The following FLNC variants were observed in gnomAD, a reference collection of about 807,000 sequenced individuals.
FLNC encodes the protein filamin C, also known as filamin-C.
Under a neutral mutation model 254.3 loss-of-function variants are expected in FLNC, and 91 were observed. The ratio of observed to expected loss-of-function variants is 0.36; its 90% CI spans 0.30 to 0.43. The LOEUF is 0.43. FLNC is among the 20% of genes least tolerant of loss of function. The probability of loss-of-function intolerance (pLI) is 1.00; values close to 1 mark genes in which losing one functional copy is unlikely to be tolerated. For synonymous variants in FLNC, 1,430 were observed against 1,577.2 expected, an observed-to-expected ratio of 0.91 and a Z score of 2.21; for missense variants, 2,853 against 3,802.6, an observed-to-expected ratio of 0.75 and a Z score of 6.57.
chr7:128,856,969 C>T lies in FLNC; in HGVS notation c.7561+48C>T. Reference sequence around the variant, plus strand: ...CAGGGTGACTTCTGGGGGTGCTTGGCCACTAGTCTGGTGCTGCTTTGCTCC... The same window carrying T: ...CAGGGTGACTTCTGGGGGTGCTTGGTCACTAGTCTGGTGCTGCTTTGCTCC... On this transcript the variant is annotated intron_variant, in intron 45 of 47. Coordinates refer to ENST00000325888, the MANE Select transcript of FLNC (RefSeq NM_001458.5). The surrounding 1 kb of genome is among the most constrained non-coding windows in gnomAD (Gnocchi z 5.9). The T allele has an allele frequency of 1.9e-6, 3 of 1,600,782 alleles. No individual in the cohort carries two copies. Among genetic ancestry groups the T allele is most frequent in the Non-Finnish European group, 2.6e-6 (3 of 1,169,396 alleles).
Position 128,856,747 on chromosome 7 carries a change from A to G in FLNC, c.7387A>G (p.Lys2463Glu), listed in dbSNP as rs1809078965. The change falls in exon 45 of 48, where the codon AAG becomes GAG. Residue 2463 changes from lysine (K) to glutamate (E), a missense_variant and splice_region_variant. Physicochemically the swap from Lys to Glu is moderately conservative, Grantham distance 56 (BLOSUM62 1). Around this residue, in one of 10 missense-constraint regions of FLNC, gnomAD observed 47 missense variants for 40.3 expected, o/e 1.17. Coordinates refer to ENST00000325888, the MANE Select transcript of FLNC (RefSeq NM_001458.5). This position sits in a 1 kb window ranked among gnomAD's most constrained non-coding sequence, Gnocchi z 5.9. ...AGCCACCAACCCTTTATCCACAGAC[A>G]AGCACACCATCCGCTTCATCCCCCA... ...ECYVSELDSD[K>E]HTIRFIPHEN... 4 of 1,614,112 alleles carry G rather than the reference A, an allele frequency of 2.5e-6. No homozygotes were observed. The highest frequency in any genetic ancestry group is 2.7e-5 in the African/African-American group (2 of 75,020).
intron 42 of FLNC, 95 bp from the exon 43 acceptor site, chr7:128,855,104 C>A (rs1808999886): frequency 1.8e-6 from 2 of 1,093,686 alleles, no homozygotes; most frequent in African/African-American, 1.5e-5. Flanking sequence ...TGAGCGCTGA[C>A]CACAGAGCCT....
At chr7:128,837,881 A>G (rs1808162798) in intron 5 of FLNC, 106 bp from the exon 6 acceptor site, 1 of 1,338,714 alleles carries the variant, frequency 7.5e-7, no homozygotes, top group South Asian at 1.2e-5. Flanking sequence ...AGTCTGGGGA[A>G]GGTGTCACCA....
At position 128,857,306 on chromosome 7, in the gene FLNC, G is replaced by A. The variant is rs1210457827; in HGVS notation, c.7750G>A (p.Val2584Met). The change falls in exon 46 of 48, where the codon GTG (valine) becomes ATG (methionine). Residue 2584 changes from valine to methionine, a missense_variant. Val to Met is a conservative substitution (Grantham distance 21). Coordinates refer to ENST00000325888, the MANE Select transcript of FLNC (RefSeq NM_001458.5). The surrounding 1 kb of genome is among the most constrained non-coding windows in gnomAD (Gnocchi z 4.5). ...CAAGTACGGTGGCCCCCAGCACATCGTGGGCAGCCCCTTCAAGGCCAAGGT... is the reference window on the plus strand; with the variant it reads ...CAAGTACGGTGGCCCCCAGCACATCATGGGCAGCCCCTTCAAGGCCAAGGT... The part of the protein sequence containing the change: ...AIKYGGPQHI[V>M]GSPFKAKVTG... 1.1e-5 allele frequency: 18 copies of A among 1,613,420 alleles called. No individual in the cohort carries two copies. The highest frequency in any genetic ancestry group is 1.5e-5 in the Non-Finnish European group (18 of 1,179,880).
At chr7:128,854,344 G>C in intron 40 of FLNC, 69 bp from the exon 41 acceptor site, 2 of 1,596,014 alleles carry the variant, frequency 1.3e-6, no homozygotes, top group Non-Finnish European at 1.7e-6. Context: ...AGGTTTAACT[G>C]ATGGGGGAGG....
At position 128,848,680 on chromosome 7, in the gene FLNC, G is replaced by A. The variant is rs2291569; in HGVS notation, c.4700G>A (p.Arg1567Gln). ...CCTGTGGAGTTCACCATCGACGCAC[G>A]GGACGCGGGCGAGGGGTTGCTCACT... ...SLPVEFTIDA[R>Q]DAGEGLLTVQ... Residue 1567 changes from arginine to glutamine, a missense_variant, in exon 27 of 48, where the codon CGG becomes CAG. Transcript: ENST00000325888. The A allele has an allele frequency of 0.082, 132,106 of 1,613,300 alleles. 5,775 individuals are homozygous for A. Among genetic ancestry groups the A allele is most frequent in the East Asian group, 0.13 (5,624 of 44,862 alleles).
chr7:128,842,795 C>T lies in FLNC; in HGVS notation c.2391C>T (p.Gly797=), dbSNP rs374768092. ...FTVDCSEAGQ[G]DVSIGIKCAP... ...ACAGCAGTGCCCGCTTCTCTGCAGGCGACGTGAGCATCGGCATCAAGTGCG... is the reference window on the plus strand; with the variant it reads ...ACAGCAGTGCCCGCTTCTCTGCAGGTGACGTGAGCATCGGCATCAAGTGCG... The change falls in exon 16 of 48, where the codon GGC becomes GGT. Residue 797 remains glycine, a splice_region_variant and synonymous_variant. Transcript: ENST00000325888. This position sits in a 1 kb window ranked among gnomAD's most constrained non-coding sequence, Gnocchi z 5.4. 59 of 1,613,344 alleles carry T rather than the reference C, an allele frequency of 3.7e-5. No individual in the cohort carries two copies. The highest frequency in any genetic ancestry group is 2.1e-4 in the African/African-American group (16 of 74,932).
intron 18 of FLNC, 96 bp from the exon 19 acceptor site, chr7:128,843,700 T>A (rs1808436241): frequency 1.3e-6 from 2 of 1,487,934 alleles, no homozygotes; most frequent in African/African-American, 1.4e-5. Flanking sequence ...GCCCTCACTC[T>A]CATGGTGGAT....
rs369511914 is a variant in FLNC, at chr7:128,844,119, G to A, written c.3045G>A (p.Leu1015=). The change falls in exon 20 of 48, where the codon CTG becomes CTA. Residue 1015 remains leucine, a synonymous_variant. Transcript: ENST00000325888. ...CTCGCCGGCCCATCCCCTGCAAGCT[G>A]GAGCCAGGCGGTGGAGCGGAAGCCC... The part of the protein sequence containing the change: ...SPSRRPIPCK[L]EPGGGAEAQA... 37 of 1,613,848 alleles carry A rather than the reference G, an allele frequency of 2.3e-5. No individual in the cohort carries two copies. Among genetic ancestry groups the A allele is most frequent in the Non-Finnish European group, 3.1e-5 (37 of 1,180,042 alleles).
Position 128,852,759 on chromosome 7 carries a change from G to A in FLNC, c.6004+7G>A, listed in dbSNP as rs771535289. 59 of 1,613,216 alleles carry A rather than the reference G, an allele frequency of 3.7e-5. No homozygotes were observed. Among genetic ancestry groups the A allele is most frequent in the South Asian group, 7.7e-5 (7 of 91,086 alleles). ...CTGCCCAACCGGCACATTGGTGAGCGTGGGGCCTCACGGGGACCTCAGGGG... is the reference window on the plus strand; with the variant it reads ...CTGCCCAACCGGCACATTGGTGAGCATGGGGCCTCACGGGGACCTCAGGGG... On this transcript the variant is annotated splice_region_variant and intron_variant, in intron 36 of 47. Coordinates refer to ENST00000325888, the MANE Select transcript of FLNC (RefSeq NM_001458.5).
In FLNC at chr7:128,842,131, G is replaced by A. The variant is rs1472777469; in HGVS notation, c.2122-100G>A. ...GGCTGGTGTGGGGGCGGGAGTGCCAGTGTTGGGGGTGGGAAAGGAGGCGCT... is the reference window on the plus strand; with the variant it reads ...GGCTGGTGTGGGGGCGGGAGTGCCAATGTTGGGGGTGGGAAAGGAGGCGCT... On this transcript the variant is annotated intron_variant, in intron 13 of 47. Transcript: ENST00000325888. The surrounding 1 kb of genome is among the most constrained non-coding windows in gnomAD (Gnocchi z 5.4). 1.6e-6 allele frequency: 2 copies of A among 1,259,110 alleles called. No individual in the cohort carries two copies. The highest frequency in any genetic ancestry group is 1.5e-5 in the African/African-American group (1 of 67,266). The allele number at this position is 1,259,110 out of a possible 1,614,324, so 78.0% of individuals were successfully genotyped here. A position where few individuals can be genotyped will look rare whatever the true frequency, so the allele number is the denominator to read the frequency against.
At chr7:128,854,708 G>A (rs767017857) in intron 41 of FLNC, 26 bp downstream of exon 41, 2 of 1,612,720 alleles carry the variant, frequency 1.2e-6, no homozygotes, top group Non-Finnish European at 8.5e-7. Flanking sequence ...CCAGGAGTGG[G>A]GATGAAGTCA....
intron 21 of FLNC, 125 bp from the exon 22 acceptor site, chr7:128,845,854 GGAGAGGAGGGT>G (rs1208259859): frequency 1.3e-5 from 10 of 781,886 alleles, no homozygotes; most frequent in East Asian, 5.4e-5. Context: ...GAGAGGAGGG[GGAGAGGAGGGT>G]GAGAGGAGGG....
rs755318521 is a variant in FLNC at position 128,841,391 on chromosome 7, C to T, written c.2007+28C>T. 8.7e-6 allele frequency: 14 copies of T among 1,613,548 alleles called. No homozygotes were observed. Among genetic ancestry groups the T allele is most frequent in the African/African-American group, 4.0e-5 (3 of 74,922 alleles). ...GTGGTCCCAGCTCACACACACCTGC[C>T]CCGGGGGTGGGGCAAGCTGGTTCTC... On this transcript the variant is annotated intron_variant, in intron 12 of 47. Transcript: ENST00000325888. This position sits in a 1 kb window ranked among gnomAD's most constrained non-coding sequence, Gnocchi z 4.3.
rs544613263 is a variant in FLNC at position 128,852,658 on chromosome 7, C to T, written c.5910C>T (p.Thr1970=). The change falls in exon 36 of 48, where the codon ACC becomes ACT. Residue 1970 remains threonine, a synonymous_variant. Transcript: ENST00000325888. ...CCACGGACGTGTCACTGAAGATCAC[C>T]GAGAGTGATCTGAGCCAGCTGACCG... ...GTSTDVSLKI[T]ESDLSQLTAS... 2.2e-5 allele frequency: 36 copies of T among 1,613,216 alleles called. No homozygotes were observed. In the East Asian group the frequency reaches 5.3e-4, roughly 24 times the overall value.
Position 128,835,733 on chromosome 7 carries a change from C to A in FLNC, c.601+159C>A, listed in dbSNP as rs1039742040. ...GTCCTCCTCCAGCTGTGGCTCTCCG[C>A]TGGCTGGTGGCAGGCCCTACCTGAT... is the stretch of plus-strand genomic sequence containing the variant. On this transcript the variant is annotated intron_variant, in intron 2 of 47. Coordinates refer to ENST00000325888, the MANE Select transcript of FLNC (RefSeq NM_001458.5). This position sits in a 1 kb window ranked among gnomAD's most constrained non-coding sequence, Gnocchi z 5.3. Among the ~76,000 whole-genome samples, 3 of 152,208 alleles carry A rather than the reference C, an allele frequency of 2.0e-5. No homozygotes were observed. The highest frequency in any genetic ancestry group is 7.2e-5 in the African/African-American group (3 of 41,454).
In FLNC at chr7:128,858,403, C is replaced by T. The variant is rs1809161503; in HGVS notation, c.8058C>T (p.His2686=). The T allele has an allele frequency of 6.2e-7, 1 of 1,602,510 alleles. No individual in the cohort carries two copies. ...KTPCEEVYVK[H]MGNRVYNVTY... ...CCTGTGAGGAGGTGTACGTGAAGCA[C>T]ATGGGGAACCGGGTGTACAATGTCA... Residue 2686 remains histidine (H), a synonymous_variant, in exon 48 of 48, where the codon CAC becomes CAT. Transcript: ENST00000325888. This position sits in a 1 kb window ranked among gnomAD's most constrained non-coding sequence, Gnocchi z 6.7.
At chr7:128,846,639 G>T in intron 23 of FLNC, 106 bp from the exon 24 acceptor site, 2 of 1,370,716 alleles carry the variant, frequency 1.5e-6, no homozygotes, top group South Asian at 1.3e-5. Flanking sequence ...CTCCTCAGCT[G>T]GGTCCCCAGC....
chr7:128,837,051 T>G, intron 2 of FLNC, 109 bp from the exon 3 acceptor site: 1 of 779,858 alleles, frequency 1.3e-6, no homozygotes, highest in Non-Finnish European at 2.2e-6. Flanking sequence ...CTAGAGCTGG[T>G]GGGAAGGGGT....
Sources: allele counts gnomAD v4.1 joint callset (sites outside exome capture counted in the v4.1 genomes callset), GRCh38; gene constraint gnomAD v4.1.1; regional missense constraint gnomAD v4.1.1; non-coding constraint Gnocchi (gnomAD v3.1); transcripts MANE v1.5; gene names NCBI Gene and HGNC (gene_info 2026-07-23, HGNC 2026-07-21).